Variants in ZNF160 observed in about 807,000 individuals in gnomAD.
ZNF160 encodes the protein zinc finger protein 160.
ZNF160 carries 9 observed loss-of-function variants against 13.1 expected under a neutral mutation model. That is an observed-to-expected ratio of 0.69 (90% CI 0.41 to 1.20). The LOEUF is 1.20. Ranked by LOEUF, ZNF160 falls within the 50% of genes most tolerant of loss-of-function variation. ZNF160 has a pLI of 0.01. For synonymous variants in ZNF160, 293 were observed against 333.2 expected (o/e 0.88, Z 1.31); for missense variants, 838 against 988.0 (o/e 0.85, Z 2.04).
chr19:53,074,017 T>C (rs532435929), intron 5 of ZNF160, 123 bp downstream of exon 5: 33 of 895,738 alleles, frequency 3.7e-5, no homozygotes, highest in Non-Finnish European at 5.0e-5. Flanking sequence ...CTCGAACTCC[T>C]GACCTCAAGT....
At chr19:53,090,696 G>A (rs2085001410) in intron 2 of ZNF160, among the ~76,000 whole-genome samples, 1 of 152,176 alleles carries the variant, frequency 6.6e-6, no homozygotes, top group Admixed American at 6.5e-5. Flanking sequence ...CTCAATGAGA[G>A]CAAGATGGGA....
At chr19:53,082,534 G>A (rs1186126247) in intron 3 of ZNF160, among the ~76,000 whole-genome samples, 1 of 152,092 alleles carries the variant, frequency 6.6e-6, no homozygotes, top group Non-Finnish European at 1.5e-5. Flanking sequence ...GCTGGGCATG[G>A]TGGTGCGTGC....
At chr19:53,074,071 T>G in intron 5 of ZNF160, 69 bp downstream of exon 5, 12 of 1,505,708 alleles carry the variant, frequency 8.0e-6, no homozygotes, top group Non-Finnish European at 1.1e-5. Flanking sequence ...ATTACAGGCG[T>G]GAGCTACTGT....
Position 53,067,951 on chromosome 19 carries a change from T to C in ZNF160, c.*126A>G, listed in dbSNP as rs902734734. ...TACATGATGTCTCTTGCTTATGGCC[T>C]CTCATATCTATTAATGCTTCAACTC... On this transcript the variant is annotated 3_prime_UTR_variant, in exon 6 of 6. Transcript: ENST00000683776. 7 of 1,335,196 alleles carry C rather than the reference T, an allele frequency of 5.2e-6. No homozygotes were observed. In the African/African-American group the frequency reaches 7.3e-5, roughly 14 times the overall value. 82.7% of individuals were successfully genotyped at this position (1,335,196 alleles called of 1,614,324 possible).
intron 1 of ZNF160, among the ~76,000 whole-genome samples, chr19:53,101,003 G>A (rs917362193): frequency 2.0e-5 from 3 of 151,832 alleles, no homozygotes; most frequent in Non-Finnish European, 2.9e-5. Flanking sequence ...TAAGGGCCAG[G>A]AGCGGTGGCT....
chr19:53,078,602 A>C (rs1193415057), intron 3 of ZNF160, among the ~76,000 whole-genome samples: 2 of 152,096 alleles, frequency 1.3e-5, no homozygotes, highest in Non-Finnish European at 2.9e-5. Context: ...GTGAGACTGC[A>C]TGTCAAAAAA....
At chr19:53,085,136 T>C (rs181952289) in intron 3 of ZNF160, 12 of 984,494 alleles carry the variant, frequency 1.2e-5, no homozygotes, top group Middle Eastern at 5.2e-4. Context: ...GCATTCTTTA[T>C]AGAAGTGAGA....
In ZNF160 at chr19:53,100,478, C is replaced by T. The variant is rs190397351; in HGVS notation, c.-354+2787G>A. Among the ~76,000 whole-genome samples the T allele has an allele frequency of 5.1e-3, 783 of 152,156 alleles. 3 individuals are homozygous for T. Among genetic ancestry groups the T allele is most frequent in the Non-Finnish European group, 6.3e-3 (428 of 68,016 alleles). On this transcript the variant is annotated intron_variant, in intron 1 of 5. Coordinates refer to ENST00000683776, the MANE Select transcript of ZNF160 (RefSeq NM_001322131.2). ...ACAAAAAATTTGCCGGGCGTGGTGG[C>T]GGCTGCCTGTAGTCCCAACTACTTG...
chr19:53,082,753 A>G (rs1044498379), intron 3 of ZNF160, among the ~76,000 whole-genome samples: 3 of 152,190 alleles, frequency 2.0e-5, no homozygotes, highest in African/African-American at 7.2e-5. Context: ...TGCAGCAGAC[A>G]CCGCCTGGGT....
chr19:53,100,761 T>A (rs540744486), intron 1 of ZNF160, among the ~76,000 whole-genome samples: 2 of 149,646 alleles, frequency 1.3e-5, no homozygotes, highest in South Asian at 4.3e-4. Context: ...TTGGGAGGGA[T>A]CACTTGAGAT....
intron 3 of ZNF160, among the ~76,000 whole-genome samples, chr19:53,077,959 G>C (rs868190325): frequency 1.3e-5 from 2 of 151,948 alleles, no homozygotes; most frequent in Non-Finnish European, 2.9e-5. Context: ...AAACACACTA[G>C]AGCCAGGCGT....
At chr19:53,093,836 C>T (rs2085123586) in intron 1 of ZNF160, among the ~76,000 whole-genome samples, 1 of 152,112 alleles carries the variant, frequency 6.6e-6, no homozygotes, top group South Asian at 2.1e-4. Context: ...TGTGGGTGTA[C>T]TGAATGTTCC....
chr19:53,092,517 T>C (rs2085074685), intron 1 of ZNF160, among the ~76,000 whole-genome samples: 1 of 152,194 alleles, frequency 6.6e-6, no homozygotes, highest in African/African-American at 2.4e-5. Context: ...TTTCACCACA[T>C]TGGCCAGGGT....
intron 3 of ZNF160, chr19:53,075,888 T>G (rs1000405375): frequency 4.0e-6 from 2 of 504,578 alleles, no homozygotes; most frequent in Non-Finnish European, 7.9e-6. Context: ...TTAATGTGTG[T>G]GCGCTGTTGT....
rs1198512352 is a variant in ZNF160 at position 53,068,312 on chromosome 19, A to C, written c.2222T>G (p.Val741Gly). The C allele has an allele frequency of 6.2e-7, 1 of 1,613,834 alleles. No homozygotes were observed. Among genetic ancestry groups the C allele is most frequent in the Non-Finnish European group, 8.5e-7 (1 of 1,180,010 alleles). Residue 741 changes from valine to glycine, a missense_variant, in exon 6 of 6, where the codon GTC (valine) becomes GGC (glycine). Physicochemically the swap from Val to Gly is moderately radical, Grantham distance 109. Around this residue, in one of 3 missense-constraint regions of ZNF160, gnomAD observed 400 missense variants for 538.9 expected, o/e 0.74. Transcript: ENST00000683776. ...KPYKCNECGK[V>G]FTQNAHLANH... ...TGCCAGGTGAGCATTTTGAGTAAAG[A>C]CCTTGCCACATTCATTACATTTGTA... is the stretch of plus-strand genomic sequence containing the variant.
rs1218511530 is a variant in ZNF160 at position 53,067,102 on chromosome 19, A to C, written c.*975T>G. On this transcript the variant is annotated 3_prime_UTR_variant, in exon 6 of 6. Transcript: ENST00000683776. ...GGCCTCTCTCTTCAATTTCAAAACA[A>C]GATCAATTTTTCATCACTCTTTGCT... is the stretch of plus-strand genomic sequence containing the variant. 1 of 152,166 alleles carries C rather than the reference A, an allele frequency of 6.6e-6. No homozygotes were observed. Among genetic ancestry groups the C allele is most frequent in the Non-Finnish European group, 1.5e-5 (1 of 68,052 alleles). The allele number at this position is 152,166 out of a possible 1,614,324, so 9.4% of individuals were successfully genotyped here.
chr19:53,088,810 A>C (rs900213472), intron 2 of ZNF160, among the ~76,000 whole-genome samples: 1 of 152,146 alleles, frequency 6.6e-6, no homozygotes, highest in Non-Finnish European at 1.5e-5. Flanking sequence ...GCAGACTCCC[A>C]GGTAGGGAGT....
At chr19:53,074,515 A>G (rs985900041) in intron 4 of ZNF160, among the ~76,000 whole-genome samples, 1 of 151,910 alleles carries the variant, frequency 6.6e-6, no homozygotes, top group African/African-American at 2.4e-5. Context: ...AAAACATAAA[A>G]AAAAATTATC....
At position 53,072,952 on chromosome 19, in the gene ZNF160, T is replaced by TA. The variant is rs1206647179; in HGVS notation, c.271+1187dup. On this transcript the variant is annotated intron_variant, in intron 5 of 5. Coordinates refer to ENST00000683776, the MANE Select transcript of ZNF160 (RefSeq NM_001322131.2). Reference sequence around the variant, plus strand: ...ACAATAAGAACTGGAATATGATTTTTAAAAAAATTCTATATTGACAAATTA... The same window carrying TA: ...ACAATAAGAACTGGAATATGATTTTTAAAAAAAATTCTATATTGACAAATTA... The TA allele has an allele frequency of 4.0e-6, 3 of 758,550 alleles. No individual in the cohort carries two copies. The African/African-American group carries it at 5.7e-5, about 14-fold the overall frequency. 47.0% of individuals were successfully genotyped at this position (758,550 alleles called of 1,614,324 possible).
Sources: gnomAD v4.1 joint callset for allele counts (sites outside exome capture counted in the v4.1 genomes callset) on GRCh38, gnomAD v4.1.1 for gene constraint, gnomAD v4.1.1 regional missense constraint, MANE v1.5 for transcripts, NCBI Gene and HGNC (gene_info 2026-07-23, HGNC 2026-07-21) for gene names.